The following ME3 variants were observed in gnomAD, a reference collection of about 807,000 sequenced individuals.
The protein encoded by ME3 is malic enzyme 3.
ME3 carries 48 observed loss-of-function variants against 68.9 expected under a neutral mutation model. That is an observed-to-expected ratio of 0.70 (90% confidence interval 0.55 to 0.89). The LOEUF is 0.89. Among genes scored for constraint, ME3 ranks in the 40% least tolerant of loss-of-function variants. The probability of loss-of-function intolerance (pLI) is 0.00; values close to 1 mark genes in which losing one functional copy is unlikely to be tolerated. For synonymous variants in ME3, 320 were observed against 318.8 expected (o/e 1.00, Z -0.04); for missense variants, 675 against 797.4 (o/e 0.85, Z 1.85).
At chr11:86,617,045 GTTTTTTTTTTTTTTTTTTTT>G (rs563738961) in intron 2 of ME3, among the ~76,000 whole-genome samples, 14 of 56,324 alleles carry the variant, frequency 2.5e-4, no homozygotes, top group Middle Eastern at 0.025. Flanking sequence ...CAAGATAGTA[GTTTTTTTTTTTTTTTTTTTT>G]TTTTTTTTTT....
At chr11:86,459,484 C>G (rs1267501831) in intron 8 of ME3, among the ~76,000 whole-genome samples, 2 of 152,198 alleles carry the variant, frequency 1.3e-5, no homozygotes, top group African/African-American at 4.8e-5. Flanking sequence ...CTATACATCA[C>G]TTCAATCCTT....
At chr11:86,636,562 C>T (rs1944347254) in intron 2 of ME3, among the ~76,000 whole-genome samples, 1 of 152,168 alleles carries the variant, frequency 6.6e-6, no homozygotes, top group African/African-American at 2.4e-5. Context: ...GCATGCATAG[C>T]CCTCATTCCT....
In ME3 at chr11:86,530,354, C is replaced by T. The variant is rs1389734044; in HGVS notation, c.468-21487G>A. 5.9e-5 allele frequency among the ~76,000 whole-genome samples: 9 copies of T among 152,006 alleles called. No individual in the cohort carries two copies. In the East Asian group the frequency reaches 1.7e-3, roughly 29 times the overall value. On this transcript the variant is annotated intron_variant, in intron 4 of 14. Coordinates refer to ENST00000543262, the Ensembl canonical transcript of ME3. ...CTGCTCAATGAAATAAAAGAGGATA[C>T]AAAAAAATGGAAGAACATTCCATGC... is the stretch of plus-strand genomic sequence containing the variant.
At chr11:86,542,885 T>C (rs1307764152) in intron 4 of ME3, among the ~76,000 whole-genome samples, 1 of 151,766 alleles carries the variant, frequency 6.6e-6, no homozygotes, top group East Asian at 1.9e-4. Context: ...AAGGAAAAAA[T>C]GTTAAGGGCA....
At chr11:86,604,215 A>G (rs1029088676) in intron 2 of ME3, among the ~76,000 whole-genome samples, 13 of 152,132 alleles carry the variant, frequency 8.5e-5, no homozygotes, top group African/African-American at 2.9e-4. Flanking sequence ...TTCAGAGAGA[A>G]CAGGCTGTAA....
chr11:86,629,323 G>A (rs1001053256), intron 2 of ME3, among the ~76,000 whole-genome samples: 14 of 152,172 alleles, frequency 9.2e-5, no homozygotes, highest in African/African-American at 3.4e-4. Context: ...AGAGAAAGAT[G>A]CAGGGCTCGT....
At chr11:86,437,612 A>G (rs1035556933), downstream of ME3, among the ~76,000 whole-genome samples, 3 of 152,110 alleles carry the variant, frequency 2.0e-5, no homozygotes, top group Non-Finnish European at 2.9e-5. Flanking sequence ...ATCTCTCTCA[A>G]TTTATTTAGA....
intron 2 of ME3, among the ~76,000 whole-genome samples, chr11:86,642,817 G>C (rs973740492): frequency 6.6e-6 from 1 of 152,082 alleles, no homozygotes; most frequent in Non-Finnish European, 1.5e-5. Flanking sequence ...TTTATTAATA[G>C]TTAATTTATT....
At chr11:86,608,707 A>G (rs1942334593) in intron 2 of ME3, among the ~76,000 whole-genome samples, 1 of 152,230 alleles carries the variant, frequency 6.6e-6, no homozygotes, top group Non-Finnish European at 1.5e-5. Context: ...AATTAAAAAT[A>G]AAGTAAAACT....
At chr11:86,615,781 G>A (rs1340064199) in intron 2 of ME3, among the ~76,000 whole-genome samples, 1 of 152,028 alleles carries the variant, frequency 6.6e-6, no homozygotes. Context: ...TGGGGCTGGG[G>A]GACAGAGTGA....
intron 5 of ME3, among the ~76,000 whole-genome samples, chr11:86,508,465 G>A (rs1267816746): frequency 1.3e-5 from 2 of 152,290 alleles, no homozygotes; most frequent in Admixed American, 6.5e-5. Context: ...TCAGCTACTC[G>A]AGAAGAGGGT....
chr11:86,505,646 T>G (rs1441147361), intron 5 of ME3, among the ~76,000 whole-genome samples: 1 of 152,174 alleles, frequency 6.6e-6, no homozygotes, highest in African/African-American at 2.4e-5. Context: ...GATGACAGTA[T>G]CCATTCAAGT....
At chr11:86,646,616 G>T (rs1185137129) in intron 2 of ME3, among the ~76,000 whole-genome samples, 8 of 152,160 alleles carry the variant, frequency 5.3e-5, no homozygotes, top group Non-Finnish European at 1.0e-4. Context: ...GAACCAAGTT[G>T]GGAAACACAC....
chr11:86,602,051 G>A (rs1410979227), intron 2 of ME3, among the ~76,000 whole-genome samples: 1 of 150,402 alleles, frequency 6.6e-6, no homozygotes, highest in Non-Finnish European at 1.5e-5. Context: ...CACAAGACAG[G>A]GATGCCCTCT....
intron 2 of ME3, among the ~76,000 whole-genome samples, chr11:86,654,285 C>T (rs1448853872): frequency 2.6e-5 from 4 of 152,158 alleles, no homozygotes; most frequent in Non-Finnish European, 5.9e-5. Context: ...CAGGCAGAGA[C>T]ACAACCAAAA....
chr11:86,602,191 A>G (rs1395772846), intron 2 of ME3, among the ~76,000 whole-genome samples: 2 of 150,434 alleles, frequency 1.3e-5, no homozygotes, highest in African/African-American at 4.9e-5. Context: ...ACATGATTGT[A>G]TATCTAGAAA....
intron 7 of ME3, among the ~76,000 whole-genome samples, chr11:86,468,366 C>T (rs1950598478): frequency 6.6e-6 from 1 of 152,180 alleles, no homozygotes; most frequent in African/African-American, 2.4e-5. Context: ...ATCCATTTTC[C>T]ATCCATCCAT....
intron 4 of ME3, among the ~76,000 whole-genome samples, chr11:86,516,947 G>A (rs1428887896): frequency 1.3e-5 from 2 of 152,122 alleles, no homozygotes; most frequent in African/African-American, 2.4e-5. Context: ...GGTTAAGTAG[G>A]CAGAGAGGGA....
chr11:86,499,084 G>A (rs1180798973), intron 5 of ME3, among the ~76,000 whole-genome samples: 1 of 152,164 alleles, frequency 6.6e-6, no homozygotes, highest in Non-Finnish European at 1.5e-5. Context: ...ACCCTTCATG[G>A]GTGAACGGAC....
Sources: allele counts gnomAD v4.1 joint callset (sites outside exome capture counted in the v4.1 genomes callset), GRCh38; gene constraint gnomAD v4.1.1; transcripts MANE v1.5; gene names NCBI Gene and HGNC (gene_info 2026-07-23, HGNC 2026-07-21).